DMTN: variants seen among roughly 807,000 people sequenced by gnomAD.
DMTN encodes the protein dematin.
DMTN carries 27 observed loss-of-function variants against 59.4 expected under a neutral mutation model. The observed-to-expected ratio is 0.45, with a 90% CI of 0.33 to 0.63. The LOEUF is 0.63. Among genes scored for constraint, DMTN ranks in the 20% least tolerant of loss-of-function variants. The pLI is 0.02. For missense variants in DMTN, 451 were observed against 528.9 expected, an observed-to-expected ratio of 0.85 and a Z score of 1.45; for synonymous variants, 221 against 203.7, an observed-to-expected ratio of 1.08 and a Z score of -0.72.
chr8:22,079,463 A>G (rs1056769719), intron 10 of DMTN, among the ~76,000 whole-genome samples: 3 of 151,372 alleles, frequency 2.0e-5, no homozygotes, highest in African/African-American at 7.3e-5. Context: ...AAATAAATAA[A>G]TAAACAAACA....
At chr8:22,061,749 A>ATTTTTTTTTT (rs1175743497) in intron 1 of DMTN, among the ~76,000 whole-genome samples, 4 of 119,718 alleles carry the variant, frequency 3.3e-5, no homozygotes, top group African/African-American at 6.9e-5. Flanking sequence ...CTTAATTCTC[A>ATTTTTTTTTT]TTTTTTTTTT....
rs1338726846 is a variant in DMTN, at chr8:22,081,129, T to C, written c.1040T>C (p.Met347Thr). The change falls in exon 15 of 16, where the codon ATG (methionine) becomes ACG (threonine). Residue 347 changes from methionine (M) to threonine (T), a missense_variant. Physicochemically the swap from Met to Thr is moderately conservative, Grantham distance 81. Coordinates refer to ENST00000358242, the MANE Select transcript of DMTN (RefSeq NM_001387751.1). Reference sequence around the variant, plus strand: ...CACCCCCAGATCTATCCCTATGAAATGCTAGTGGTGACCAACAAGGGGCGA... The same window carrying C: ...CACCCCCAGATCTATCCCTATGAAACGCTAGTGGTGACCAACAAGGGGCGA... ...VLEQKIYPYE[M>T]LVVTNKGRTK... The C allele has an allele frequency of 5.8e-6, 8 of 1,383,986 alleles. No individual in the cohort carries two copies. Among genetic ancestry groups the C allele is most frequent in the Non-Finnish European group, 6.8e-6 (7 of 1,028,344 alleles). 85.7% of individuals were successfully genotyped at this position (1,383,986 alleles called of 1,614,324 possible).
At chr8:22,069,806 A>G in intron 6 of DMTN, 75 bp from the exon 7 acceptor site, 1 of 1,537,736 alleles carries the variant, frequency 6.5e-7, no homozygotes, top group Non-Finnish European at 9.0e-7. Context: ...GTCCCGTTCC[A>G]TCATCTCCAT....
At chr8:22,055,027 CCTT>C (rs1189902686), upstream of DMTN, 3 of 152,808 alleles carry the variant, frequency 2.0e-5, no homozygotes, top group African/African-American at 7.2e-5. Flanking sequence ...ACCCTCCCCT[CCTT>C]CTCCCCTCCG....
intron 3 of DMTN, 57 bp from the exon 4 acceptor site, chr8:22,067,470 C>A (rs1811704047): frequency 6.2e-7 from 1 of 1,600,082 alleles, no homozygotes; most frequent in Admixed American, 1.7e-5. Flanking sequence ...GCTAGCAGGG[C>A]CAGTGTCCTA....
rs1372584924 is a variant in DMTN at position 22,080,204 on chromosome 8, C to A, written c.860C>A (p.Ser287Tyr). 6.2e-7 allele frequency: 1 copy of A among 1,614,104 alleles called. No individual in the cohort carries two copies. The highest frequency in any genetic ancestry group is 1.3e-5 in the African/African-American group (1 of 74,946). The change falls in exon 11 of 16, where the codon TCT becomes TAT. Residue 287 changes from serine to tyrosine, a missense_variant. By Grantham distance (144) the Ser-to-Tyr change is moderately radical. Transcript: ENST00000358242. The part of the protein sequence containing the change: ...HTSLHQGTSK[S>Y]SSLPAYGRTT... Reference sequence around the variant, plus strand: ...GCCTTGCACCAGGGAACGTCTAAATCTTCCTCTCTCCCCGCCTATGGCAGG... The same window carrying A: ...GCCTTGCACCAGGGAACGTCTAAATATTCCTCTCTCCCCGCCTATGGCAGG...
chr8:22,080,983 G>A, intron 14 of DMTN, 113 bp downstream of exon 14: 1 of 1,475,922 alleles, frequency 6.8e-7, no homozygotes, highest in Non-Finnish European at 9.3e-7. Context: ...GGGATGGCAG[G>A]GAAGTTGGGG....
intron 1 of DMTN, among the ~76,000 whole-genome samples, chr8:22,063,430 A>C (rs58934575): frequency 3.3e-5 from 5 of 152,134 alleles, no homozygotes; most frequent in Admixed American, 2.6e-4. Context: ...TGCTTGAATC[A>C]TGTAACTTCT....
chr8:22,054,070 C>A (rs185954909), upstream of DMTN, among the ~76,000 whole-genome samples: 41 of 151,976 alleles, frequency 2.7e-4, no homozygotes, highest in East Asian at 7.6e-3. Context: ...TGAGAAGGGT[C>A]CCCTTGCCTC....
intron 1 of DMTN, among the ~76,000 whole-genome samples, chr8:22,065,971 G>A (rs1810331201): frequency 6.6e-6 from 1 of 151,284 alleles, no homozygotes. Flanking sequence ...CTCCCGAGTA[G>A]CTGGGACTAC....
intron 10 of DMTN, among the ~76,000 whole-genome samples, chr8:22,075,172 G>A (rs375396537): frequency 2.9e-4 from 37 of 127,258 alleles, no homozygotes; most frequent in Non-Finnish European, 4.5e-4. Flanking sequence ...AGGGAACAGC[G>A]TGAGACTCTG....
Position 22,081,873 on chromosome 8 carries a change from G to GCCCC in DMTN, c.*413_*414insCCCC. ...AGAAAGAGCTCCAGGCTCTTGTGTC[G>GCCCC]CCCACCCAGCCCTCCCATACTCACT... On this transcript the variant is annotated 3_prime_UTR_variant, in exon 16 of 16. Transcript: ENST00000358242. 2.2e-6 allele frequency: 1 copy of GCCCC among 460,764 alleles called. No homozygotes were observed. The highest frequency in any genetic ancestry group is 4.3e-6 in the Non-Finnish European group (1 of 230,122). 28.5% of individuals were successfully genotyped at this position (460,764 alleles called of 1,614,324 possible). A position where few individuals can be genotyped will look rare whatever the true frequency, so the allele number is the denominator to read the frequency against.
rs983798701 is a variant in DMTN, at chr8:22,081,791, C to A, written c.*328C>A. 5 of 504,140 alleles carry A rather than the reference C, an allele frequency of 9.9e-6. No homozygotes were observed. Among genetic ancestry groups the A allele is most frequent in the Admixed American group, 2.3e-5 (1 of 43,614 alleles). 31.2% of individuals were successfully genotyped at this position (504,140 alleles called of 1,614,324 possible). On this transcript the variant is annotated 3_prime_UTR_variant, in exon 16 of 16. Coordinates refer to ENST00000358242, the MANE Select transcript of DMTN (RefSeq NM_001387751.1). The stretch of plus-strand genomic sequence containing the variant: ...GGAATGAGGGGCATTGGTGGTTAGG[C>A]CGGTTGGCTGTCTTGAACAGCTGGA...
intron 10 of DMTN, among the ~76,000 whole-genome samples, chr8:22,079,302 T>TATATATATATATATATATATATATATA (rs1491109949): frequency 2.6e-4 from 4 of 15,538 alleles, no homozygotes; most frequent in Admixed American, 1.1e-3. Flanking sequence ...ATATATATAT[T>TATATATATATATATATATATATATATA]AGCTGGGTTT....
Position 22,066,868 on chromosome 8 carries a change from C to G in DMTN, c.-8C>G, listed in dbSNP as rs937939794. 2 of 1,379,448 alleles carry G rather than the reference C, an allele frequency of 1.4e-6. No individual in the cohort carries two copies. The highest frequency in any genetic ancestry group is 9.4e-7 in the Non-Finnish European group (1 of 1,063,208). 85.5% of individuals were successfully genotyped at this position (1,379,448 alleles called of 1,614,324 possible). On this transcript the variant is annotated 5_prime_UTR_variant, in exon 2 of 16. Transcript: ENST00000358242. Reference sequence around the variant, plus strand: ...TGCGAGTGACCCGGCGGGCGAGCTCCGTGCTGCATGGAACGGCTGCAGAAG... The same window carrying G: ...TGCGAGTGACCCGGCGGGCGAGCTCGGTGCTGCATGGAACGGCTGCAGAAG...
chr8:22,080,059 T>A (rs1339181539), intron 10 of DMTN, 121 bp from the exon 11 acceptor site: 6 of 1,110,052 alleles, frequency 5.4e-6, no homozygotes, highest in South Asian at 2.8e-5. Flanking sequence ...GCCCACCAGG[T>A]TCCCCCCAGC....
Position 22,072,430 on chromosome 8 carries a change from CAGAG to C in DMTN, c.714_717del (p.Glu239AsnfsTer12). On this transcript the variant is annotated frameshift_variant, in exon 9 of 16. Coordinates refer to ENST00000358242, the MANE Select transcript of DMTN (RefSeq NM_001387751.1). LOFTEE classifies it high-confidence loss of function. ...GGAGATGAAGGCTCTCAGGGAGCGT[CAGAG>C]AGAGGAACTCAGTAAGGTAGCATCT... 1 of 1,575,164 alleles carries C rather than the reference CAGAG, an allele frequency of 6.3e-7. No homozygotes were observed. Among genetic ancestry groups the C allele is most frequent in the Non-Finnish European group, 8.6e-7 (1 of 1,158,966 alleles).
chr8:22,059,185 G>A (rs906024428), intron 1 of DMTN: 3 of 152,460 alleles, frequency 2.0e-5, no homozygotes, highest in Admixed American at 2.0e-4. Context: ...GAGAAAAGAT[G>A]AAGAAAGCCA....
chr8:22,064,489 C>T (rs752996107), intron 1 of DMTN, among the ~76,000 whole-genome samples: 3 of 151,784 alleles, frequency 2.0e-5, no homozygotes, highest in Non-Finnish European at 4.4e-5. Flanking sequence ...GACGGAGTCT[C>T]GCTCTGTCGC....
Sources: gnomAD v4.1 joint callset for allele counts (sites outside exome capture counted in the v4.1 genomes callset) on GRCh38, gnomAD v4.1.1 for gene constraint, MANE v1.5 for transcripts, NCBI Gene and HGNC (gene_info 2026-07-23, HGNC 2026-07-21) for gene names.